CDH12: variants seen among roughly 807,000 people sequenced by gnomAD.
CDH12 encodes the protein cadherin-12.
Under a neutral mutation model 74.1 loss-of-function variants are expected in CDH12, and 41 were observed. That is an observed-to-expected ratio of 0.55 (90% CI 0.43 to 0.72). CDH12 has a LOEUF of 0.72. Among genes scored for constraint, CDH12 ranks in the 30% least tolerant of loss-of-function variants. The probability of loss-of-function intolerance (pLI) is 0.00; values close to 1 mark genes in which losing one functional copy is unlikely to be tolerated. For missense variants in CDH12, 945 were observed against 977.2 expected, an observed-to-expected ratio of 0.97 and a Z score of 0.44; for synonymous variants, 399 against 355.0, an observed-to-expected ratio of 1.12 and a Z score of -1.39.
intron 5 of CDH12, among the ~76,000 whole-genome samples, chr5:22,024,902 T>C (rs1488693497): frequency 1.3e-5 from 2 of 152,160 alleles, no homozygotes; most frequent in South Asian, 4.1e-4. Flanking sequence ...AAACTTTGTG[T>C]TGGGTGTTAA....
In CDH12 at chr5:22,053,084, T is replaced by A. The variant is rs948128243; in HGVS notation, c.231+25362A>T. 9.2e-5 allele frequency among the ~76,000 whole-genome samples: 14 copies of A among 151,936 alleles called. No homozygotes were observed. The East Asian group carries it at 1.4e-3, about 15-fold the overall frequency. Reference sequence around the variant, plus strand: ...TCTCGTTTTTTTTGTTTTTTTTTTTTAAATCATTCCAGATAAATGAAGAAG... The same window carrying A: ...TCTCGTTTTTTTTGTTTTTTTTTTTAAAATCATTCCAGATAAATGAAGAAG... On this transcript the variant is annotated intron_variant, in intron 5 of 14. Transcript: ENST00000382254.
At chr5:21,788,946 C>A (rs1036064460) in intron 10 of CDH12, among the ~76,000 whole-genome samples, 1 of 151,770 alleles carries the variant, frequency 6.6e-6, no homozygotes, top group Non-Finnish European at 1.5e-5. Context: ...TTTCTCATGT[C>A]TTTTTTGTGT....
At chr5:22,634,010 G>C (rs551035768) in intron 1 of CDH12, among the ~76,000 whole-genome samples, 1 of 152,038 alleles carries the variant, frequency 6.6e-6, no homozygotes, top group African/African-American at 2.4e-5. Context: ...CTTTTGTATA[G>C]TATTGAAATG....
chr5:22,046,430 C>CTTTTTTTTTTTTTTTT lies in CDH12; in HGVS notation c.231+32000_231+32015dup, dbSNP rs11323330. On this transcript the variant is annotated intron_variant, in intron 5 of 14. Transcript: ENST00000382254. ...GAGAAAGTCACTGGTCATTTAATTTCTTTTTTTTTTTTTTTTTTTTTTGAG... is the reference window on the plus strand; with the variant it reads ...GAGAAAGTCACTGGTCATTTAATTTCTTTTTTTTTTTTTTTTTTTTTTTTTTTTTTTTTTTTTTGAG... Among the ~76,000 whole-genome samples, 16 of 100,370 alleles carry CTTTTTTTTTTTTTTTT rather than the reference C, an allele frequency of 1.6e-4. 1 individual carries two copies. Among genetic ancestry groups the CTTTTTTTTTTTTTTTT allele is most frequent in the African/African-American group, 6.4e-4 (15 of 23,406 alleles). The allele number at this position is 100,370 out of a possible 152,430, so 65.8% of individuals were successfully genotyped here.
intron 3 of CDH12, among the ~76,000 whole-genome samples, chr5:22,296,425 A>G (rs1467925757): frequency 6.6e-6 from 1 of 152,110 alleles, no homozygotes; most frequent in Non-Finnish European, 1.5e-5. Context: ...TGGGAATGGT[A>G]TTTTGTATTA....
intron 5 of CDH12, among the ~76,000 whole-genome samples, chr5:22,060,364 T>C (rs575317917): frequency 3.2e-4 from 49 of 152,186 alleles, no homozygotes; most frequent in African/African-American, 1.2e-3. Context: ...AAATACCTAA[T>C]GCATGCGGGA....
intron 2 of CDH12, among the ~76,000 whole-genome samples, chr5:22,491,281 G>C (rs764104902): frequency 1.1e-4 from 16 of 152,114 alleles, no homozygotes; most frequent in Non-Finnish European, 2.1e-4. Flanking sequence ...ACTCAATTAG[G>C]ATAATGGCCT....
At chr5:21,950,213 G>C (rs34352479) in intron 6 of CDH12, among the ~76,000 whole-genome samples, 1 of 152,154 alleles carries the variant, frequency 6.6e-6, no homozygotes. Context: ...ACATAACCTA[G>C]GGTGTGTAGT....
chr5:21,755,792 G>C lies in CDH12; in HGVS notation c.1684C>G (p.Gln562Glu), dbSNP rs1744359907. The C allele has an allele frequency of 6.2e-7, 1 of 1,613,850 alleles. No homozygotes were observed. Among genetic ancestry groups the C allele is most frequent in the East Asian group, 2.2e-5 (1 of 44,864 alleles). ...ACAACAGGGAGGAAATACAACTCTT[G>C]CTGCCTGCGGCTGTATCCATTTCTT... The part of the protein sequence containing the change: ...TRRNGYSRRQ[Q>E]ELYFLPVVIE... Residue 562 changes from glutamine (Q) to glutamate (E), a missense_variant, in exon 14 of 15, where the codon CAA becomes GAA. Physicochemically the swap from Gln to Glu is conservative, Grantham distance 29. Around this residue, in one of 3 missense-constraint regions of CDH12, gnomAD observed 791 missense variants for 792.8 expected, o/e 1.00. Coordinates refer to ENST00000382254, the MANE Select transcript of CDH12 (RefSeq NM_004061.5).
intron 2 of CDH12, among the ~76,000 whole-genome samples, chr5:22,431,933 T>C (rs1744188816): frequency 6.6e-6 from 1 of 152,144 alleles, no homozygotes; most frequent in African/African-American, 2.4e-5. Context: ...CTTACATCAA[T>C]TTATTGTTTA....
chr5:22,455,626 A>G (rs551971809), intron 2 of CDH12, among the ~76,000 whole-genome samples: 1 of 152,340 alleles, frequency 6.6e-6, no homozygotes, highest in African/African-American at 2.4e-5. Context: ...ATTTCACAGC[A>G]GAAGTTTGAG....
At chr5:21,935,974 T>C (rs188022414) in intron 6 of CDH12, among the ~76,000 whole-genome samples, 233 of 152,346 alleles carry the variant, frequency 1.5e-3, no homozygotes, top group Middle Eastern at 3.4e-3. Context: ...ATGTACTATA[T>C]TTTCTTTATT....
intron 1 of CDH12, among the ~76,000 whole-genome samples, chr5:22,517,947 G>A (rs1736875324): frequency 6.6e-6 from 1 of 152,224 alleles, no homozygotes; most frequent in South Asian, 2.1e-4. Context: ...AACCTCAACT[G>A]GGCGTTCATG....
intron 1 of CDH12, among the ~76,000 whole-genome samples, chr5:22,677,122 G>A (rs557979665): frequency 9.2e-5 from 14 of 152,206 alleles, no homozygotes; most frequent in Admixed American, 8.5e-4. Context: ...AAATTAGATT[G>A]GATGACACAT....
intron 3 of CDH12, among the ~76,000 whole-genome samples, chr5:22,316,469 T>C (rs1182487133): frequency 1.1e-4 from 16 of 152,150 alleles, no homozygotes; most frequent in Admixed American, 1.0e-3. Context: ...TTTTGTTCCC[T>C]TAGGCCCAAA....
chr5:22,027,738 A>T (rs1337528573), intron 5 of CDH12, among the ~76,000 whole-genome samples: 1 of 151,580 alleles, frequency 6.6e-6, no homozygotes, highest in Non-Finnish European at 1.5e-5. Flanking sequence ...GTGGTCTATT[A>T]ATTTTGTTGA....
chr5:22,149,448 T>C lies in CDH12; in HGVS notation c.-187+63050A>G, dbSNP rs1469405414. 2.6e-5 allele frequency among the ~76,000 whole-genome samples: 4 copies of C among 152,202 alleles called. No homozygotes were observed. The South Asian group carries it at 6.2e-4, about 24-fold the overall frequency. On this transcript the variant is annotated intron_variant, in intron 4 of 14. Transcript: ENST00000382254. ...TTGCTTGAGTTGTCCTATATGTTTT[T>C]CTAGACCCAATCTCAAGCCATCCTT...
chr5:22,704,542 A>C (rs1742883929), intron 1 of CDH12, among the ~76,000 whole-genome samples: 1 of 152,148 alleles, frequency 6.6e-6, no homozygotes, highest in African/African-American at 2.4e-5. Flanking sequence ...AGTAAACTTT[A>C]CAATTTTATA....
intron 5 of CDH12, among the ~76,000 whole-genome samples, chr5:22,007,511 G>A (rs1050933352): frequency 1.6e-4 from 24 of 152,208 alleles, no homozygotes; most frequent in African/African-American, 5.1e-4. Flanking sequence ...GGAAGTAATA[G>A]TGTGGCTTCC....
Sources: gnomAD v4.1 joint callset for allele counts (sites outside exome capture counted in the v4.1 genomes callset) on GRCh38, gnomAD v4.1.1 for gene constraint, gnomAD v4.1.1 regional missense constraint, MANE v1.5 for transcripts, NCBI Gene and HGNC (gene_info 2026-07-23, HGNC 2026-07-21) for gene names.